Variants in SLCO1A2 observed in about 807,000 individuals in gnomAD.
SLCO1A2 encodes OATP-1.
In SLCO1A2, 67 loss-of-function variants were observed where a neutral mutation model predicts 69.0. The observed-to-expected ratio is 0.97, with a 90% CI of 0.80 to 1.19. The LOEUF is 1.19. Among genes scored for constraint, SLCO1A2 ranks in the 50% most tolerant of loss-of-function variants. SLCO1A2 has a pLI of 0.00. For synonymous variants in SLCO1A2, 260 were observed against 265.9 expected (o/e 0.98, Z 0.22); for missense variants, 787 against 793.7 (o/e 0.99, Z 0.10).
intron 12 of SLCO1A2, among the ~76,000 whole-genome samples, chr12:21,283,419 C>A (rs1330660758): frequency 6.6e-6 from 1 of 152,022 alleles, no homozygotes; most frequent in South Asian, 2.1e-4. Flanking sequence ...AAAAATCAAT[C>A]AAAATCGATG....
intron 1 of SLCO1A2, among the ~76,000 whole-genome samples, chr12:21,389,124 C>A (rs1941032177): frequency 1.3e-5 from 2 of 152,090 alleles, no homozygotes; most frequent in South Asian, 2.1e-4. Context: ...ACCTTACAAC[C>A]AAATATGAGT....
At chr12:21,311,989 AGAGGAG>A (rs199881908) in intron 4 of SLCO1A2, among the ~76,000 whole-genome samples, 1 of 149,942 alleles carries the variant, frequency 6.7e-6, no homozygotes, top group Non-Finnish European at 1.5e-5. Context: ...AGGAGGAGGA[AGAGGAG>A]GAGGAGGAGA....
At chr12:21,372,653 T>A (rs1175320677) in intron 2 of SLCO1A2, among the ~76,000 whole-genome samples, 2 of 152,232 alleles carry the variant, frequency 1.3e-5, no homozygotes, top group Non-Finnish European at 2.9e-5. Flanking sequence ...ACTCATGTCT[T>A]ACAAAGATGG....
At chr12:21,396,732 A>G (rs948183789), upstream of SLCO1A2, among the ~76,000 whole-genome samples, 3 of 152,212 alleles carry the variant, frequency 2.0e-5, no homozygotes, top group Non-Finnish European at 4.4e-5. Flanking sequence ...TTTCTTAAAG[A>G]AAAGAATTTT....
intron 4 of SLCO1A2, among the ~76,000 whole-genome samples, 191 bp downstream of exon 4, chr12:21,314,358 A>C (rs987673246): frequency 6.6e-6 from 1 of 152,208 alleles, no homozygotes; most frequent in African/African-American, 2.4e-5. Context: ...TAAATTGACA[A>C]AACTGACTGC....
rs1346144201 is a variant in SLCO1A2, at chr12:21,318,689, G to T, written c.202+93C>A. On this transcript the variant is annotated intron_variant, in intron 3 of 14. Coordinates refer to ENST00000683939, the MANE Select transcript of SLCO1A2 (RefSeq NM_001386879.1). ...AACTTATAACTCGGTCAGATTAAATGACCTAAAACAGCAAATAAGGAGAAT... is the reference window on the plus strand; with the variant it reads ...AACTTATAACTCGGTCAGATTAAATTACCTAAAACAGCAAATAAGGAGAAT... 22 of 1,072,702 alleles carry T rather than the reference G, an allele frequency of 2.1e-5. No individual in the cohort carries two copies. The Admixed American group carries it at 5.4e-4, about 26-fold the overall frequency. 66.4% of individuals were successfully genotyped at this position (1,072,702 alleles called of 1,614,324 possible).
chr12:21,381,962 T>C (rs767295742), intron 1 of SLCO1A2, among the ~76,000 whole-genome samples: 9 of 152,228 alleles, frequency 5.9e-5, no homozygotes, highest in Non-Finnish European at 1.0e-4. Flanking sequence ...TTTGATACAG[T>C]AATCCCAGTA....
intron 2 of SLCO1A2, among the ~76,000 whole-genome samples, chr12:21,367,435 CAGA>C (rs1939474143): frequency 6.6e-6 from 1 of 151,900 alleles, no homozygotes; most frequent in Non-Finnish European, 1.5e-5. Context: ...TGGAGAAAAG[CAGA>C]AGGTCAGAGG....
Position 21,294,044 on chromosome 12 carries a change from T to C in SLCO1A2, c.1338A>G (p.Pro446=), listed in dbSNP as rs1399204451. ...CACACACAGGATCCCATATTTTAGA[T>C]GGACAGTTGCAATCCACATTGCAAT... The part of the protein sequence containing the change: ...FADCNVDCNC[P]SKIWDPVCGN... The change falls in exon 11 of 15, where the codon CCA becomes CCG. Residue 446 remains proline (P), a synonymous_variant. Coordinates refer to ENST00000683939, the MANE Select transcript of SLCO1A2 (RefSeq NM_001386879.1). 1 of 1,611,494 alleles carries C rather than the reference T, an allele frequency of 6.2e-7. No individual in the cohort carries two copies. The highest frequency in any genetic ancestry group is 8.5e-7 in the Non-Finnish European group (1 of 1,178,872).
Position 21,290,279 on chromosome 12 carries a change from T to C in SLCO1A2, c.1610+1885A>G, listed in dbSNP as rs139232967. Among the ~76,000 whole-genome samples, 860 of 152,220 alleles carry C rather than the reference T, an allele frequency of 5.6e-3. 14 individuals are homozygous for C. The highest frequency in any genetic ancestry group is 0.02 in the African/African-American group (823 of 41,546). Reference sequence around the variant, plus strand: ...GATTTTCTCCAAGTAATCTATGGAATCTACACAAACTCAGTCAAAATTCTT... The same window carrying C: ...GATTTTCTCCAAGTAATCTATGGAACCTACACAAACTCAGTCAAAATTCTT... On this transcript the variant is annotated intron_variant, in intron 12 of 14. Coordinates refer to ENST00000683939, the MANE Select transcript of SLCO1A2 (RefSeq NM_001386879.1).
At chr12:21,398,122 A>G (rs371212743), upstream of SLCO1A2, among the ~76,000 whole-genome samples, 14 of 145,962 alleles carry the variant, frequency 9.6e-5, no homozygotes, top group African/African-American at 3.0e-4. Flanking sequence ...TTGATAGACC[A>G]CTAGCAAGAC....
At chr12:21,341,688 G>A (rs968034839) in intron 2 of SLCO1A2, among the ~76,000 whole-genome samples, 1 of 152,018 alleles carries the variant, frequency 6.6e-6, no homozygotes, top group East Asian at 1.9e-4. Flanking sequence ...CGCATCCAGC[G>A]TTGATTCCCA....
intron 1 of SLCO1A2, among the ~76,000 whole-genome samples, chr12:21,412,305 T>C (rs1327414217): frequency 6.6e-6 from 1 of 151,762 alleles, no homozygotes; most frequent in Admixed American, 6.6e-5. Context: ...CGCTTGAACC[T>C]GGGAGGCAGA....
At chr12:21,398,910 C>G (rs1327604421), upstream of SLCO1A2, among the ~76,000 whole-genome samples, 2 of 150,540 alleles carry the variant, frequency 1.3e-5, no homozygotes, top group African/African-American at 4.9e-5. Flanking sequence ...AAACCCACAG[C>G]CAATGTCATA....
At chr12:21,383,286 G>T (rs189390872) in intron 1 of SLCO1A2, among the ~76,000 whole-genome samples, 1 of 151,562 alleles carries the variant, frequency 6.6e-6, no homozygotes, top group East Asian at 1.9e-4. Context: ...TCTTTGTTCC[G>T]TATACAACTA....
chr12:21,278,615 A>G (rs186908150), intron 12 of SLCO1A2, among the ~76,000 whole-genome samples: 399 of 152,290 alleles, frequency 2.6e-3, no homozygotes, highest in Admixed American at 3.7e-3. Context: ...ATTCTTTTGG[A>G]TCTTATCCAA....
At chr12:21,294,982 C>T (rs1309150833) in intron 10 of SLCO1A2, 1 of 152,022 alleles carries the variant, frequency 6.6e-6, no homozygotes, top group African/African-American at 2.4e-5. Flanking sequence ...TAACTGATAG[C>T]TTGATTGTCA....
intron 1 of SLCO1A2, among the ~76,000 whole-genome samples, chr12:21,380,465 C>A (rs142183835): frequency 6.7e-4 from 102 of 152,188 alleles, no homozygotes; most frequent in South Asian, 2.5e-3. Flanking sequence ...AGATATTAAT[C>A]GAAGATTTTA....
upstream of SLCO1A2, among the ~76,000 whole-genome samples, chr12:21,339,810 G>A (rs1300487711): frequency 6.6e-6 from 1 of 151,938 alleles, no homozygotes; most frequent in South Asian, 2.1e-4. Context: ...ATAAAAGGAA[G>A]TCAGGTGGCA....
Sources: gnomAD v4.1 joint callset for allele counts (sites outside exome capture counted in the v4.1 genomes callset) on GRCh38, gnomAD v4.1.1 for gene constraint, MANE v1.5 for transcripts, NCBI Gene and HGNC (gene_info 2026-07-23, HGNC 2026-07-21) for gene names.